Variants in APLF observed in about 807,000 individuals in gnomAD.
The protein encoded by APLF is aprataxin and PNK-like factor.
A neutral mutation model predicts 55.6 loss-of-function variants in APLF; 61 were observed. That is an observed-to-expected ratio of 1.10 (90% CI 0.89 to 1.36). The LOEUF (loss-of-function observed/expected upper bound fraction) is 1.36, where lower values mean the gene tolerates loss of function less well. Ranked by LOEUF, APLF falls within the 40% of genes most tolerant of loss-of-function variation. The pLI is 0.00. For synonymous variants in APLF, 207 were observed against 214.8 expected, an observed-to-expected ratio of 0.96 and a Z score of 0.32; for missense variants, 611 against 602.5, an observed-to-expected ratio of 1.01 and a Z score of -0.15.
In APLF at chr2:68,518,814, A is replaced by C. The variant is rs879326450; in HGVS notation, c.622+5134A>C. ...AATATTAATAATCTATCATATAATAAAATATTAGTAATATATCATTAATAT... is the reference window on the plus strand; with the variant it reads ...AATATTAATAATCTATCATATAATACAATATTAGTAATATATCATTAATAT... On this transcript the variant is annotated intron_variant, in intron 5 of 9. Coordinates refer to ENST00000303795, the MANE Select transcript of APLF (RefSeq NM_173545.3). Among the ~76,000 whole-genome samples the C allele has an allele frequency of 5.4e-3, 678 of 125,970 alleles. 34 individuals carry two copies. Among genetic ancestry groups the C allele is most frequent in the Admixed American group, 0.052 (591 of 11,304 alleles). 82.6% of individuals were successfully genotyped at this position (125,970 alleles called of 152,430 possible).
At chr2:68,550,573 C>T (rs1670832310) in intron 8 of APLF, among the ~76,000 whole-genome samples, 1 of 151,938 alleles carries the variant, frequency 6.6e-6, no homozygotes, top group South Asian at 2.1e-4. Context: ...TTAATTTTTT[C>T]TTTTTTGTAT....
intron 8 of APLF, among the ~76,000 whole-genome samples, chr2:68,546,799 T>G (rs995220083): frequency 3.3e-5 from 5 of 151,834 alleles, no homozygotes; most frequent in Admixed American, 2.6e-4. Flanking sequence ...TAGCAAATAT[T>G]ATACTTAAAA....
chr2:68,487,844 A>G (rs1229781345), intron 1 of APLF, among the ~76,000 whole-genome samples: 1 of 152,186 alleles, frequency 6.6e-6, no homozygotes, highest in African/African-American at 2.4e-5. Flanking sequence ...AAGGAACACT[A>G]TAAATGTCTG....
intron 8 of APLF, among the ~76,000 whole-genome samples, chr2:68,561,667 G>A (rs1671169913): frequency 6.6e-6 from 1 of 152,090 alleles, no homozygotes; most frequent in Admixed American, 6.6e-5. Context: ...TCTTGGGTTT[G>A]TGTAAGAAGA....
chr2:68,550,851 C>T (rs1189274901), intron 8 of APLF, among the ~76,000 whole-genome samples: 1 of 152,070 alleles, frequency 6.6e-6, no homozygotes, highest in Non-Finnish European at 1.5e-5. Flanking sequence ...TATAGTTATA[C>T]CTCTGTACAT....
Position 68,578,418 on chromosome 2 carries a change from C to G in APLF, c.*396C>G. The G allele has an allele frequency of 1.0e-6, 1 of 991,268 alleles. No individual in the cohort carries two copies. Among genetic ancestry groups the G allele is most frequent in the Non-Finnish European group, 1.2e-6 (1 of 833,794 alleles). The allele number at this position is 991,268 out of a possible 1,614,324, so 61.4% of individuals were successfully genotyped here. A position where few individuals can be genotyped will look rare whatever the true frequency, so the allele number is the denominator to read the frequency against. ...ACCAGGCAAAGTACATGAAAACATGCCTCTTTTCATTGTTACTGAAGTAAT... is the reference window on the plus strand; with the variant it reads ...ACCAGGCAAAGTACATGAAAACATGGCTCTTTTCATTGTTACTGAAGTAAT... On this transcript the variant is annotated 3_prime_UTR_variant, in exon 10 of 10. Coordinates refer to ENST00000303795, the MANE Select transcript of APLF (RefSeq NM_173545.3).
intron 9 of APLF, among the ~76,000 whole-genome samples, chr2:68,574,842 A>G (rs1025149187): frequency 1.3e-5 from 2 of 152,210 alleles, no homozygotes; most frequent in African/African-American, 4.8e-5. Flanking sequence ...CAGGCTAGTG[A>G]TCAAAAGTGT....
intron 8 of APLF, among the ~76,000 whole-genome samples, chr2:68,556,839 A>T (rs909228628): frequency 6.6e-6 from 1 of 152,182 alleles, no homozygotes; most frequent in Non-Finnish European, 1.5e-5. Context: ...TCAGTTATCA[A>T]CTATAAGTGC....
At position 68,580,064 on chromosome 2, in the gene APLF, A is replaced by G; in HGVS notation, c.*2042A>G. 1 of 928,504 alleles carries G rather than the reference A, an allele frequency of 1.1e-6. No individual in the cohort carries two copies. Among genetic ancestry groups the G allele is most frequent in the Non-Finnish European group, 1.3e-6 (1 of 777,924 alleles). The allele number at this position is 928,504 out of a possible 1,614,324, so 57.5% of individuals were successfully genotyped here. A position where few individuals can be genotyped will look rare whatever the true frequency, so the allele number is the denominator to read the frequency against. ...TCGTAGTAATGTAATAGTTCATGGT[A>G]GCTGCTTTTAACGATACAGTTTTAA... On this transcript the variant is annotated 3_prime_UTR_variant, in exon 10 of 10. Coordinates refer to ENST00000303795, the MANE Select transcript of APLF (RefSeq NM_173545.3).
In APLF at chr2:68,467,618, G is replaced by A; in HGVS notation, c.-114G>A. On this transcript the variant is annotated 5_prime_UTR_variant, in exon 1 of 10. Coordinates refer to ENST00000303795, the MANE Select transcript of APLF (RefSeq NM_173545.3). The stretch of plus-strand genomic sequence containing the variant: ...CGGCGCAGCCGCGGGGAGCCTTTGA[G>A]GCCCTCCCTCGGTGTTTTTTCCCAG... 3.4e-6 allele frequency: 3 copies of A among 878,342 alleles called. No homozygotes were observed. The highest frequency in any genetic ancestry group is 4.5e-6 in the Non-Finnish European group (3 of 663,680). The allele number at this position is 878,342 out of a possible 1,614,324, so 54.4% of individuals were successfully genotyped here.
chr2:68,519,188 A>G (rs1243618492), intron 5 of APLF, among the ~76,000 whole-genome samples: 1 of 139,182 alleles, frequency 7.2e-6, no homozygotes, highest in Non-Finnish European at 1.5e-5. Context: ...GTGACTATAT[A>G]TTTATAATAT....
chr2:68,482,618 A>G (rs146207188), intron 1 of APLF, among the ~76,000 whole-genome samples: 21 of 152,230 alleles, frequency 1.4e-4, no homozygotes, highest in African/African-American at 5.1e-4. Context: ...CTTAGGGTGC[A>G]GACATGTTGT....
chr2:68,523,526 G>A (rs947297647), intron 5 of APLF, among the ~76,000 whole-genome samples: 14 of 151,832 alleles, frequency 9.2e-5, no homozygotes, highest in Non-Finnish European at 1.8e-4. Context: ...CTTAAACATA[G>A]GAAAAATTGA....
Position 68,529,253 on chromosome 2 carries a change from C to T in APLF, c.804+3011C>T, listed in dbSNP as rs1469244223. ...ACACAGCCTCATAAGGGTGCCGTCCCACCTGCCTGGAAAAGAAGGCCCAAG... is the reference window on the plus strand; with the variant it reads ...ACACAGCCTCATAAGGGTGCCGTCCTACCTGCCTGGAAAAGAAGGCCCAAG... On this transcript the variant is annotated intron_variant, in intron 6 of 9. Coordinates refer to ENST00000303795, the MANE Select transcript of APLF (RefSeq NM_173545.3). This position sits in a 1 kb window ranked among gnomAD's most constrained non-coding sequence, Gnocchi z 4.4. The T allele has an allele frequency of 3.1e-6, 4 of 1,291,814 alleles. No individual in the cohort carries two copies. The highest frequency in any genetic ancestry group is 4.1e-6 in the Non-Finnish European group (4 of 974,952). 80.0% of individuals were successfully genotyped at this position (1,291,814 alleles called of 1,614,324 possible).
intron 9 of APLF, among the ~76,000 whole-genome samples, chr2:68,576,497 T>C (rs1395481829): frequency 2.0e-5 from 3 of 152,158 alleles, no homozygotes; most frequent in Non-Finnish European, 4.4e-5. Flanking sequence ...ACCAAGAATC[T>C]TGGGGATAAA....
At chr2:68,566,445 A>G (rs922373392) in intron 8 of APLF, among the ~76,000 whole-genome samples, 5 of 152,080 alleles carry the variant, frequency 3.3e-5, no homozygotes, top group Non-Finnish European at 7.4e-5. Context: ...TTTTATCCTC[A>G]TTGCCTGCTT....
At chr2:68,531,799 A>G (rs1484396579) in intron 6 of APLF, among the ~76,000 whole-genome samples, 1 of 152,208 alleles carries the variant, frequency 6.6e-6, no homozygotes, top group African/African-American at 2.4e-5. Context: ...AGGTTTGATA[A>G]TCACAAGAAA....
chr2:68,481,138 T>G (rs1445010630), intron 1 of APLF, among the ~76,000 whole-genome samples: 2 of 152,216 alleles, frequency 1.3e-5, no homozygotes, highest in Non-Finnish European at 2.9e-5. Context: ...TGTAATGAAC[T>G]TGTAATAGTT....
At chr2:68,518,936 T>C (rs1341381627) in intron 5 of APLF, among the ~76,000 whole-genome samples, 3 of 123,898 alleles carry the variant, frequency 2.4e-5, no homozygotes, top group Non-Finnish European at 4.7e-5. Flanking sequence ...TTAATATTAA[T>C]ATATTATATA....
Sources: gnomAD v4.1 joint callset for allele counts (sites outside exome capture counted in the v4.1 genomes callset) on GRCh38, gnomAD v4.1.1 for gene constraint, Gnocchi (gnomAD v3.1) non-coding constraint, MANE v1.5 for transcripts, NCBI Gene and HGNC (gene_info 2026-07-23, HGNC 2026-07-21) for gene names.